FRMD4B: variants seen among roughly 807,000 people sequenced by gnomAD.
The protein encoded by FRMD4B is FERM domain-containing protein 4B.
A neutral mutation model predicts 141.5 loss-of-function variants in FRMD4B; 74 were observed. That is an observed-to-expected ratio of 0.52 (90% confidence interval 0.43 to 0.63). The LOEUF is 0.63. FRMD4B is among the 30% of genes least tolerant of loss of function. FRMD4B has a pLI of 0.00. For synonymous variants in FRMD4B, 506 were observed against 467.9 expected (o/e 1.08, Z -1.05); for missense variants, 1,366 against 1,253.4 (o/e 1.09, Z -1.36).
chr3:69,248,614 A>G (rs1363233532), intron 7 of FRMD4B, among the ~76,000 whole-genome samples: 1 of 152,216 alleles, frequency 6.6e-6, no homozygotes, highest in Non-Finnish European at 1.5e-5. Context: ...CATTGCCTCC[A>G]CCCTTTAACT....
chr3:69,396,931 G>A (rs534048874), intron 2 of FRMD4B, among the ~76,000 whole-genome samples: 62 of 152,210 alleles, frequency 4.1e-4, no homozygotes, highest in Admixed American at 1.1e-3. Context: ...TTACCCATAC[G>A]TTTATCAGCT....
intron 2 of FRMD4B, among the ~76,000 whole-genome samples, chr3:69,420,729 C>G (rs979953072): frequency 2.0e-4 from 31 of 152,180 alleles, no homozygotes; most frequent in African/African-American, 7.2e-4. Flanking sequence ...TCAAAGCCTC[C>G]TGTGTGGATT....
intron 1 of FRMD4B, among the ~76,000 whole-genome samples, chr3:69,327,131 T>C (rs1365450343): frequency 6.6e-6 from 1 of 152,274 alleles, no homozygotes; most frequent in East Asian, 1.9e-4. Context: ...AGTTGCCTTG[T>C]AGAAAATGGA....
At chr3:69,247,797 C>T (rs796654495) in intron 7 of FRMD4B, among the ~76,000 whole-genome samples, 29 of 152,296 alleles carry the variant, frequency 1.9e-4, no homozygotes, top group African/African-American at 6.5e-4. Flanking sequence ...TACAGGCACC[C>T]GCCACCGCAC....
At chr3:69,306,481 G>A (rs1187829024) in intron 3 of FRMD4B, 1 of 152,202 alleles carries the variant, frequency 6.6e-6, no homozygotes, top group African/African-American at 2.4e-5. Flanking sequence ...AACAAAAAGT[G>A]AAATGGGTGA....
intron 11 of FRMD4B, among the ~76,000 whole-genome samples, chr3:69,210,429 T>C (rs903857532): frequency 6.6e-6 from 1 of 151,412 alleles, no homozygotes; most frequent in Non-Finnish European, 1.5e-5. Flanking sequence ...TTTTTTTTTT[T>C]CTTTAAGTGA....
intron 5 of FRMD4B, among the ~76,000 whole-genome samples, chr3:69,258,858 T>A (rs1453933919): frequency 6.6e-6 from 1 of 152,068 alleles, no homozygotes; most frequent in Non-Finnish European, 1.5e-5. Context: ...TTTCTGAAAC[T>A]CAGCTCCTCA....
intron 20 of FRMD4B, 40 bp from the exon 21 acceptor site, chr3:69,181,750 A>C: frequency 1.6e-6 from 2 of 1,250,016 alleles, no homozygotes; most frequent in Non-Finnish European, 1.1e-6. Flanking sequence ...CACCAAGAAG[A>C]AAAGGAGGAC....
chr3:69,536,220 T>G, intron 1 of FRMD4B: 1 of 597,690 alleles, frequency 1.7e-6, no homozygotes, highest in East Asian at 3.2e-5. Flanking sequence ...TTGGCCTCAC[T>G]TGGTTTCTTG....
intron 1 of FRMD4B, among the ~76,000 whole-genome samples, chr3:69,541,789 TC>T (rs56146632): frequency 1.3e-4 from 20 of 148,416 alleles, no homozygotes; most frequent in Admixed American, 6.6e-4. Flanking sequence ...TCCAGGGATT[TC>T]CCCCCCCTCT....
upstream of FRMD4B, among the ~76,000 whole-genome samples, chr3:69,387,919 T>C (rs1167737263): frequency 1.3e-5 from 2 of 152,212 alleles, no homozygotes; most frequent in Non-Finnish European, 2.9e-5. Flanking sequence ...AGTATTAGTA[T>C]TGATGGTTTT....
At chr3:69,435,712 A>G (rs936275279) in intron 1 of FRMD4B, among the ~76,000 whole-genome samples, 4 of 152,168 alleles carry the variant, frequency 2.6e-5, no homozygotes, top group African/African-American at 9.7e-5. Flanking sequence ...AGGGCTTTTC[A>G]AGGTCTTTCC....
chr3:69,392,894 C>T (rs910561529), intron 2 of FRMD4B, among the ~76,000 whole-genome samples: 1 of 152,088 alleles, frequency 6.6e-6, no homozygotes, highest in Admixed American at 6.6e-5. Context: ...GACTGGTCTC[C>T]TGCTTTCTTT....
At chr3:69,475,495 T>C (rs570833006) in intron 1 of FRMD4B, among the ~76,000 whole-genome samples, 5 of 152,234 alleles carry the variant, frequency 3.3e-5, no homozygotes, top group African/African-American at 1.2e-4. Context: ...CTGAGAATGA[T>C]GATTTCCAAT....
At chr3:69,443,081 T>C (rs1681156516) in intron 1 of FRMD4B, among the ~76,000 whole-genome samples, 1 of 152,152 alleles carries the variant, frequency 6.6e-6, no homozygotes, top group Admixed American at 6.5e-5. Context: ...CCACACAGCT[T>C]CAGGGTGGGG....
At chr3:69,343,383 G>A (rs1014167288) in intron 1 of FRMD4B, among the ~76,000 whole-genome samples, 20 of 152,196 alleles carry the variant, frequency 1.3e-4, no homozygotes, top group African/African-American at 4.6e-4. Flanking sequence ...CTCTTTGTCC[G>A]TTAGGTGTGG....
chr3:69,238,587 C>A (rs1400299811), intron 7 of FRMD4B, among the ~76,000 whole-genome samples: 1 of 152,134 alleles, frequency 6.6e-6, no homozygotes, highest in Non-Finnish European at 1.5e-5. Flanking sequence ...AGTTTGAGAT[C>A]AGCCTAGGCA....
chr3:69,293,249 C>T (rs1304340808), intron 4 of FRMD4B, among the ~76,000 whole-genome samples: 1 of 151,486 alleles, frequency 6.6e-6, no homozygotes, highest in African/African-American at 2.4e-5. Context: ...ATTTATGTGG[C>T]CAATATTTTC....
intron 7 of FRMD4B, among the ~76,000 whole-genome samples, chr3:69,228,149 T>C (rs2093271923): frequency 6.6e-6 from 1 of 152,226 alleles, no homozygotes; most frequent in South Asian, 2.1e-4. Context: ...GTAGTTCCTA[T>C]AATGCACAGA....
Sources: gnomAD v4.1 joint callset for allele counts (sites outside exome capture counted in the v4.1 genomes callset) on GRCh38, gnomAD v4.1.1 for gene constraint, MANE v1.5 for transcripts, NCBI Gene and HGNC (gene_info 2026-07-23, HGNC 2026-07-21) for gene names.